GUCY1B1: variants seen among roughly 807,000 people sequenced by gnomAD.
GUCY1B1 encodes guanylate cyclase soluble subunit beta-1.
In GUCY1B1, 43 loss-of-function variants were observed where a neutral mutation model predicts 71.0. That is an observed-to-expected ratio of 0.61 (90% CI 0.47 to 0.78). The LOEUF is 0.78. GUCY1B1 is among the 30% of genes least tolerant of loss of function. The pLI, the probability that GUCY1B1 is intolerant of heterozygous loss-of-function variation, is 0.00. For synonymous variants in GUCY1B1, 266 were observed against 259.7 expected, an observed-to-expected ratio of 1.02 and a Z score of -0.23; for missense variants, 535 against 754.1, an observed-to-expected ratio of 0.71 and a Z score of 3.40.
rs201458783 is a variant in GUCY1B1 at position 155,802,519 on chromosome 4, C to T, written c.1353C>T (p.Asn451=). ...CCATGAAGATCGTCAACCTCCTCAA[C>T]GACCTCTACACCAGATTTGACACAC... ...EGAMKIVNLL[N]DLYTRFDTLT... Residue 451 remains asparagine, a synonymous_variant, in exon 10 of 14, where the codon AAC becomes AAT. Coordinates refer to ENST00000264424, the MANE Select transcript of GUCY1B1 (RefSeq NM_000857.5). This position sits in a 1 kb window ranked among gnomAD's most constrained non-coding sequence, Gnocchi z 4.3. The T allele has an allele frequency of 2.7e-4, 436 of 1,613,126 alleles. 1 individual carries two copies. The African/African-American group carries it at 5.2e-3, about 19-fold the overall frequency.
chr4:155,779,292 A>C (rs113999871), intron 4 of GUCY1B1, among the ~76,000 whole-genome samples: 3,891 of 152,288 alleles, frequency 0.026, 81 homozygotes, highest in Non-Finnish European at 0.043. Context: ...CTGTCTCTAC[A>C]TACATACATA....
rs1249573292 is a variant in GUCY1B1, at chr4:155,759,094, C to G, written c.-47C>G. 1.3e-6 allele frequency: 2 copies of G among 1,580,592 alleles called. No homozygotes were observed. Among genetic ancestry groups the G allele is most frequent in the Non-Finnish European group, 1.7e-6 (2 of 1,163,142 alleles). On this transcript the variant is annotated 5_prime_UTR_variant, in exon 1 of 14. Coordinates refer to ENST00000264424, the MANE Select transcript of GUCY1B1 (RefSeq NM_000857.5). ...CCGCCTCTGCCTGGGTCCCTTCGGC[C>G]GTACCTCTGCGTGGGGGCTGCCTCC...
intron 11 of GUCY1B1, 73 bp downstream of exon 11, chr4:155,803,837 G>T: frequency 9.8e-7 from 1 of 1,021,216 alleles, no homozygotes; most frequent in African/African-American, 1.6e-5. Flanking sequence ...ATCGTTGTCC[G>T]GAAAATCATT....
rs143760783 is a variant in GUCY1B1 at position 155,779,386 on chromosome 4, A to G, written c.297+1744A>G. 7.2e-4 allele frequency among the ~76,000 whole-genome samples: 110 copies of G among 152,340 alleles called. 1 individual carries two copies. Among genetic ancestry groups the G allele is most frequent in the Admixed American group, 4.2e-3 (65 of 15,302 alleles). ...ACACCAGATGTCAAAGACAGTACAA[A>G]AAGAATAAAAGATGGCTCATTCACA... On this transcript the variant is annotated intron_variant, in intron 4 of 13. Transcript: ENST00000264424.
chr4:155,803,499 G>A, intron 10 of GUCY1B1, 125 bp from the exon 11 acceptor site: 1 of 530,482 alleles, frequency 1.9e-6, no homozygotes, highest in Non-Finnish European at 3.1e-6. Context: ...AATTTTAAGA[G>A]AATTAAAGGG....
intron 2 of GUCY1B1, among the ~76,000 whole-genome samples, chr4:155,763,132 A>C (rs767509986): frequency 6.6e-6 from 1 of 152,192 alleles, no homozygotes; most frequent in African/African-American, 2.4e-5. Flanking sequence ...ATCAGCCCTG[A>C]CTAAACTCAT....
intron 2 of GUCY1B1, chr4:155,772,884 G>A (rs968756675): frequency 1.1e-4 from 75 of 677,884 alleles, no homozygotes; most frequent in Non-Finnish European, 1.6e-4. Context: ...AGCTCTGAAG[G>A]ACAGAGGATG....
intron 4 of GUCY1B1, among the ~76,000 whole-genome samples, chr4:155,782,997 C>T (rs1181335240): frequency 1.3e-5 from 2 of 152,184 alleles, no homozygotes; most frequent in East Asian, 1.9e-4. Context: ...CATCTGATTC[C>T]GTCCCAAGGG....
In GUCY1B1 at chr4:155,763,933, C is replaced by T. The variant is rs539954274; in HGVS notation, c.77+4073C>T. 5.7e-4 allele frequency among the ~76,000 whole-genome samples: 87 copies of T among 152,144 alleles called. 1 individual carries two copies. The highest frequency in any genetic ancestry group is 3.4e-3 in the Middle Eastern group (1 of 294). ...TCTAGAATCAGAGTTTTTAAACTTT[C>T]CGTTCCCCAATTTACTTGAAAGATA... On this transcript the variant is annotated intron_variant, in intron 2 of 13. Coordinates refer to ENST00000264424, the MANE Select transcript of GUCY1B1 (RefSeq NM_000857.5).
chr4:155,764,829 T>C (rs186790167), intron 2 of GUCY1B1, among the ~76,000 whole-genome samples: 2 of 152,216 alleles, frequency 1.3e-5, no homozygotes, highest in African/African-American at 2.4e-5. Context: ...GCTCTTTGCA[T>C]AGGGCTCTTC....
intron 8 of GUCY1B1, among the ~76,000 whole-genome samples, chr4:155,798,755 T>A (rs1335575038): frequency 6.6e-6 from 1 of 152,120 alleles, no homozygotes; most frequent in Non-Finnish European, 1.5e-5. Context: ...TTATTCAGAG[T>A]GGCCAGAAGT....
chr4:155,759,278 C>A, intron 1 of GUCY1B1, 135 bp downstream of exon 1: 1 of 833,870 alleles, frequency 1.2e-6, no homozygotes, highest in Non-Finnish European at 1.8e-6. Flanking sequence ...AGCAGCCTCA[C>A]TCCTTGCCCG....
chr4:155,801,197 G>A (rs951280992), intron 9 of GUCY1B1, among the ~76,000 whole-genome samples: 1 of 152,198 alleles, frequency 6.6e-6, no homozygotes, highest in Non-Finnish European at 1.5e-5. Context: ...TCTTTAATAC[G>A]AGTAGCTGAT....
intron 4 of GUCY1B1, among the ~76,000 whole-genome samples, chr4:155,786,675 G>T (rs576179435): frequency 6.6e-6 from 1 of 151,466 alleles, no homozygotes; most frequent in Non-Finnish European, 1.5e-5. Context: ...GGGTTTCACC[G>T]TGTTAGCCAG....
chr4:155,803,535 G>T, intron 10 of GUCY1B1, 89 bp from the exon 11 acceptor site: 1 of 894,628 alleles, frequency 1.1e-6, no homozygotes, highest in South Asian at 3.4e-5. Flanking sequence ...GTTGCTGGTA[G>T]ACTTGAAAAA....
At chr4:155,805,338 A>C in intron 13 of GUCY1B1, 109 bp downstream of exon 13, 1 of 917,652 alleles carries the variant, frequency 1.1e-6, no homozygotes, top group Non-Finnish European at 1.6e-6. Context: ...TCTTGCTAAC[A>C]GAAATTAACT....
Position 155,802,823 on chromosome 4 carries a change from T to C in GUCY1B1, c.1413+244T>C, listed in dbSNP as rs28687650. 0.017 allele frequency among the ~76,000 whole-genome samples: 2,530 copies of C among 152,342 alleles called. 74 individuals carry two copies. The highest frequency in any genetic ancestry group is 0.058 in the African/African-American group (2,393 of 41,572). On this transcript the variant is annotated intron_variant, in intron 10 of 13. Coordinates refer to ENST00000264424, the MANE Select transcript of GUCY1B1 (RefSeq NM_000857.5). This position sits in a 1 kb window ranked among gnomAD's most constrained non-coding sequence, Gnocchi z 4.3. Reference sequence around the variant, plus strand: ...TGATTCCCTGGTTAAAATGAAATGTTCACCATCTTATTTGCACTTAGGCTA... The same window carrying C: ...TGATTCCCTGGTTAAAATGAAATGTCCACCATCTTATTTGCACTTAGGCTA...
chr4:155,778,103 G>T (rs1386155797), intron 4 of GUCY1B1, among the ~76,000 whole-genome samples: 1 of 151,994 alleles, frequency 6.6e-6, no homozygotes, highest in African/African-American at 2.4e-5. Context: ...AAAGTAGTAG[G>T]GTTTTCAGGT....
chr4:155,772,673 G>T, intron 2 of GUCY1B1: 1 of 701,956 alleles, frequency 1.4e-6, no homozygotes, highest in Non-Finnish European at 2.6e-6. Context: ...TCCCACCTGG[G>T]CTTCCCAAAG....
Sources: gnomAD v4.1 joint callset for allele counts (sites outside exome capture counted in the v4.1 genomes callset) on GRCh38, gnomAD v4.1.1 for gene constraint, Gnocchi (gnomAD v3.1) non-coding constraint, MANE v1.5 for transcripts, NCBI Gene and HGNC (gene_info 2026-07-23, HGNC 2026-07-21) for gene names.